PELI2: variants seen among roughly 807,000 people sequenced by gnomAD.
PELI2 encodes E3 ubiquitin-protein ligase pellino homolog 2.
Under a neutral mutation model 42.3 loss-of-function variants are expected in PELI2, and 23 were observed. The observed-to-expected ratio is 0.54, with a 90% CI of 0.39 to 0.77. The LOEUF is 0.77. PELI2 is among the 30% of genes least tolerant of loss of function. PELI2 has a pLI of 0.00. For missense variants in PELI2, 463 were observed against 553.2 expected, an observed-to-expected ratio of 0.84 and a Z score of 1.64; for synonymous variants, 245 against 212.2, an observed-to-expected ratio of 1.15 and a Z score of -1.34.
intron 2 of PELI2, among the ~76,000 whole-genome samples, chr14:56,181,779 G>C (rs1164152847): frequency 6.6e-6 from 1 of 151,914 alleles, no homozygotes; most frequent in Non-Finnish European, 1.5e-5. Flanking sequence ...TTTGTGTAGT[G>C]TTTATTCATG....
At chr14:56,279,260 C>G (rs1320767151) in intron 2 of PELI2, among the ~76,000 whole-genome samples, 1 of 152,108 alleles carries the variant, frequency 6.6e-6, no homozygotes. Flanking sequence ...TGCTGATAAT[C>G]TCTATCACCT....
intron 2 of PELI2, among the ~76,000 whole-genome samples, chr14:56,267,467 A>G (rs1888948090): frequency 6.6e-6 from 1 of 152,170 alleles, no homozygotes; most frequent in Admixed American, 6.5e-5. Context: ...GAAGAAAAAC[A>G]TTTGTGAATG....
intron 3 of PELI2, among the ~76,000 whole-genome samples, chr14:56,281,599 G>A (rs1889483883): frequency 1.3e-5 from 2 of 152,084 alleles, no homozygotes; most frequent in Admixed American, 1.3e-4. Flanking sequence ...CTGAACTTCA[G>A]CACCTCAGAC....
intron 2 of PELI2, among the ~76,000 whole-genome samples, chr14:56,250,360 G>C (rs988810257): frequency 1.3e-5 from 2 of 152,124 alleles, no homozygotes; most frequent in African/African-American, 4.8e-5. Flanking sequence ...GAACTAATAG[G>C]ATAGATGAAT....
At chr14:56,225,775 T>A (rs1887330373) in intron 2 of PELI2, among the ~76,000 whole-genome samples, 1 of 152,162 alleles carries the variant, frequency 6.6e-6, no homozygotes, top group African/African-American at 2.4e-5. Flanking sequence ...AGCCTCTGAC[T>A]AGGGGCAGCC....
chr14:56,150,714 A>G (rs895062417), intron 1 of PELI2, among the ~76,000 whole-genome samples: 3 of 152,206 alleles, frequency 2.0e-5, no homozygotes, highest in African/African-American at 7.2e-5. Flanking sequence ...AGAAGGCTTG[A>G]TATGGACACT....
intron 2 of PELI2, among the ~76,000 whole-genome samples, chr14:56,274,215 G>T (rs2139861707): frequency 6.6e-6 from 1 of 152,186 alleles, no homozygotes; most frequent in South Asian, 2.1e-4. Context: ...CATTAGTAAG[G>T]CAACCAACAG....
Position 56,290,421 on chromosome 14 carries a change from CGA to C in PELI2, c.664_665del (p.Glu222AsnfsTer14). 1 of 1,607,748 alleles carries C rather than the reference CGA, an allele frequency of 6.2e-7. No homozygotes were observed. The highest frequency in any genetic ancestry group is 8.5e-7 in the Non-Finnish European group (1 of 1,175,774). On this transcript the variant is annotated frameshift_variant, in exon 5 of 6. Coordinates refer to ENST00000267460, the MANE Select transcript of PELI2 (RefSeq NM_021255.3). LOFTEE classifies it high-confidence loss of function. ...ISVCGDVYTL[R>X]ETRSAQQRGK... ...TGTCTGTGGAGATGTGTACACCTTG[CGA>C]GAAACCAGGTCGGCCCAGCAACGAG...
chr14:56,149,527 A>G lies in PELI2; in HGVS notation c.78-28808A>G, dbSNP rs184826643. 5.0e-3 allele frequency among the ~76,000 whole-genome samples: 769 copies of G among 152,324 alleles called. 1 individual carries two copies. The highest frequency in any genetic ancestry group is 6.9e-3 in the Non-Finnish European group (470 of 68,020). On this transcript the variant is annotated intron_variant, in intron 1 of 5. Coordinates refer to ENST00000267460, the MANE Select transcript of PELI2 (RefSeq NM_021255.3). Reference sequence around the variant, plus strand: ...TATGAGAAAAGAAATGTAAGAATATATCTTATCACCAAGTATTTCTCCATT... The same window carrying G: ...TATGAGAAAAGAAATGTAAGAATATGTCTTATCACCAAGTATTTCTCCATT...
In PELI2 at chr14:56,210,669, A is replaced by G. The variant is rs183995223; in HGVS notation, c.207+32205A>G. 1.6e-4 allele frequency among the ~76,000 whole-genome samples: 25 copies of G among 152,300 alleles called. No individual in the cohort carries two copies. The East Asian group carries it at 2.1e-3, about 13-fold the overall frequency. ...GGTGAATAGATTGAAAGTCTCTGCA[A>G]TTAAGGAGGTCAGAGAACGAAAAGG... On this transcript the variant is annotated intron_variant, in intron 2 of 5. Transcript: ENST00000267460.
At chr14:56,174,470 T>A (rs1885296426) in intron 1 of PELI2, among the ~76,000 whole-genome samples, 1 of 152,210 alleles carries the variant, frequency 6.6e-6, no homozygotes, top group South Asian at 2.1e-4. Context: ...GGTTTAGCTC[T>A]GTGTCCCCAC....
At chr14:56,144,757 G>A (rs1292214891) in intron 1 of PELI2, among the ~76,000 whole-genome samples, 1 of 152,214 alleles carries the variant, frequency 6.6e-6, no homozygotes, top group Non-Finnish European at 1.5e-5. Context: ...AAATAGCACT[G>A]TTCAGAATCT....
chr14:56,291,885 C>G (rs1439188056), intron 5 of PELI2, among the ~76,000 whole-genome samples: 1 of 152,238 alleles, frequency 6.6e-6, no homozygotes, highest in African/African-American at 2.4e-5. Flanking sequence ...GATTCAAACT[C>G]AGGTCTCCCT....
rs1889714954 is a variant in PELI2, at chr14:56,288,496, C to T, written c.369C>T (p.Ser123=). Residue 123 remains serine (S), a synonymous_variant, in exon 4 of 6, where the codon AGC becomes AGT. Transcript: ENST00000267460. The surrounding 1 kb of genome is among the most constrained non-coding windows in gnomAD (Gnocchi z 4.6). ...TTGTCACAGACACGATTTCTGGCAG[C>T]CAGAACACGGACGAAGCCCAGATCA... ...DFVVTDTISG[S]QNTDEAQITQ... is the part of the protein sequence containing the mutation. 1.2e-6 allele frequency: 2 copies of T among 1,613,978 alleles called. No homozygotes were observed. Among genetic ancestry groups the T allele is most frequent in the African/African-American group, 1.3e-5 (1 of 74,912 alleles).
At chr14:56,149,162 T>C (rs190234644) in intron 1 of PELI2, among the ~76,000 whole-genome samples, 46 of 152,348 alleles carry the variant, frequency 3.0e-4, no homozygotes, top group African/African-American at 1.1e-3. Context: ...TGGATCCTTC[T>C]GTGAAGGCAG....
intron 2 of PELI2, among the ~76,000 whole-genome samples, chr14:56,251,115 A>T (rs774070170): frequency 2.0e-5 from 3 of 152,180 alleles, no homozygotes; most frequent in Non-Finnish European, 2.9e-5. Context: ...TTCTGGACTA[A>T]GTGGGCCAAA....
intron 1 of PELI2, among the ~76,000 whole-genome samples, chr14:56,147,476 A>T (rs1478877672): frequency 6.6e-6 from 1 of 152,190 alleles, no homozygotes; most frequent in African/African-American, 2.4e-5. Context: ...CACTGGTGGG[A>T]TGGCTTCTTT....
At chr14:56,285,920 A>G (rs1161876524) in intron 3 of PELI2, among the ~76,000 whole-genome samples, 2 of 152,196 alleles carry the variant, frequency 1.3e-5, no homozygotes, top group South Asian at 2.1e-4. Flanking sequence ...TCTGCCCAGC[A>G]GTGAAATGTT....
intron 2 of PELI2, among the ~76,000 whole-genome samples, chr14:56,257,301 GAAGT>G (rs979364334): frequency 2.6e-5 from 4 of 152,116 alleles, no homozygotes; most frequent in East Asian, 1.9e-4. Flanking sequence ...CTGGCAGGAA[GAAGT>G]AAGTAAGTAA....
Sources: gnomAD v4.1 joint callset for allele counts (sites outside exome capture counted in the v4.1 genomes callset) on GRCh38, gnomAD v4.1.1 for gene constraint, Gnocchi (gnomAD v3.1) non-coding constraint, MANE v1.5 for transcripts, NCBI Gene and HGNC (gene_info 2026-07-23, HGNC 2026-07-21) for gene names.